C4orf51: variants seen among roughly 807,000 people sequenced by gnomAD.
C4orf51 encodes uncharacterized protein C4orf51.
A neutral mutation model predicts 25.2 loss-of-function variants in C4orf51; 25 were observed. The observed-to-expected ratio is 0.99, with a 90% confidence interval of 0.72 to 1.39. The LOEUF (loss-of-function observed/expected upper bound fraction) is 1.39. Ranked by LOEUF, C4orf51 falls within the 40% of genes most tolerant of loss-of-function variation. The pLI is 0.00. For synonymous variants in C4orf51, 100 were observed against 84.5 expected, an observed-to-expected ratio of 1.18 and a Z score of -1.01; for missense variants, 252 against 239.6, an observed-to-expected ratio of 1.05 and a Z score of -0.34.
chr4:145,731,566 T>TTTTTTTG (rs1732473714), intron 5 of C4orf51, among the ~76,000 whole-genome samples: 1 of 4,430 alleles, frequency 2.3e-4, no homozygotes, highest in Non-Finnish European at 4.4e-4. Flanking sequence ...AGGCAAATCT[T>TTTTTTTG]TTTTTTTTTT....
At chr4:145,735,693 T>C (rs1460757010), downstream of C4orf51, among the ~76,000 whole-genome samples, 1 of 152,212 alleles carries the variant, frequency 6.6e-6, no homozygotes, top group Non-Finnish European at 1.5e-5. Context: ...CAGGGACTTG[T>C]TTTTCCTTAT....
rs191871414 is a variant in C4orf51 at position 145,709,443 on chromosome 4, T to C, written c.307+12811T>C. Among the ~76,000 whole-genome samples, 596 of 152,236 alleles carry C rather than the reference T, an allele frequency of 3.9e-3. 2 individuals carry two copies. The highest frequency in any genetic ancestry group is 5.1e-3 in the Non-Finnish European group (344 of 68,016). ...AAGGGTTGGAAGTCATCCAAGTTGGTAGGGTAAAAACAAGTATAAATCTCA... is the reference window on the plus strand; with the variant it reads ...AAGGGTTGGAAGTCATCCAAGTTGGCAGGGTAAAAACAAGTATAAATCTCA... On this transcript the variant is annotated intron_variant, in intron 2 of 5. Coordinates refer to ENST00000438731, the MANE Select transcript of C4orf51 (RefSeq NM_001080531.3).
chr4:145,742,682 G>T (rs1733167961), intron 1 of C4orf51, among the ~76,000 whole-genome samples: 1 of 151,950 alleles, frequency 6.6e-6, no homozygotes, highest in Non-Finnish European at 1.5e-5. Flanking sequence ...TGAGATTACA[G>T]GCGCCCGCCA....
Position 145,732,596 on chromosome 4 carries a change from G to T in C4orf51, c.*36G>T. The T allele has an allele frequency of 1.3e-6, 2 of 1,482,496 alleles. No homozygotes were observed. The highest frequency in any genetic ancestry group is 1.9e-6 in the Non-Finnish European group (2 of 1,071,982). 91.8% of individuals were successfully genotyped at this position (1,482,496 alleles called of 1,614,324 possible). A position where few individuals can be genotyped will look rare whatever the true frequency, so the allele number is the denominator to read the frequency against. ...GAAGCCACAAGGCTGGAGGCGTGGA[G>T]TTTGCTTAATAAACAACTTTGAGGT... On this transcript the variant is annotated 3_prime_UTR_variant, in exon 6 of 6. Coordinates refer to ENST00000438731, the MANE Select transcript of C4orf51 (RefSeq NM_001080531.3).
intron 2 of C4orf51, among the ~76,000 whole-genome samples, chr4:145,722,585 T>G (rs1731799391): frequency 6.6e-6 from 1 of 152,164 alleles, no homozygotes; most frequent in Non-Finnish European, 1.5e-5. Context: ...TTAACACATC[T>G]CTCTTTAAGA....
chr4:145,696,599 T>G lies in C4orf51; in HGVS notation c.274T>G (p.Trp92Gly), dbSNP rs1730078281. Residue 92 changes from tryptophan to glycine, a missense_variant, in exon 2 of 6, where the codon TGG becomes GGG. Coordinates refer to ENST00000438731, the MANE Select transcript of C4orf51 (RefSeq NM_001080531.3). The stretch of plus-strand genomic sequence containing the variant: ...CAGTTCTGCCTGTCATCTTCTCTGC[T>G]GGGCTGGTACCCAAGAGACTACAGA... ...TNSSACHLLC[W>G]AGTQETTDIK... 2 of 1,613,912 alleles carry G rather than the reference T, an allele frequency of 1.2e-6. No homozygotes were observed. Among genetic ancestry groups the G allele is most frequent in the Admixed American group, 3.3e-5 (2 of 60,010 alleles).
intron 1 of C4orf51, among the ~76,000 whole-genome samples, chr4:145,739,043 TA>T (rs1471468961): frequency 6.6e-6 from 1 of 152,240 alleles, no homozygotes; most frequent in Admixed American, 6.5e-5. Flanking sequence ...TCTTTTTACA[TA>T]ATGAAAGATT....
chr4:145,681,885 G>C (rs552835177), intron 1 of C4orf51, among the ~76,000 whole-genome samples: 2 of 152,218 alleles, frequency 1.3e-5, no homozygotes, highest in African/African-American at 4.8e-5. Flanking sequence ...TATTGCATTG[G>C]GGATTAAATT....
chr4:145,761,653 G>A lies in C4orf51; in HGVS notation n.167-9335G>A, dbSNP rs977661026. 5.5e-6 allele frequency: 6 copies of A among 1,090,910 alleles called. No homozygotes were observed. Among genetic ancestry groups the A allele is most frequent in the Non-Finnish European group, 7.2e-6 (6 of 834,124 alleles). 67.6% of individuals were successfully genotyped at this position (1,090,910 alleles called of 1,614,324 possible). A position where few individuals can be genotyped will look rare whatever the true frequency, so the allele number is the denominator to read the frequency against. On this transcript the variant is annotated intron_variant and non_coding_transcript_variant, in intron 1 of 1. Coordinates refer to the C4orf51 transcript ENST00000510096. This position sits in a 1 kb window ranked among gnomAD's most constrained non-coding sequence, Gnocchi z 6.8. ...CAGCCGGGAAGGTTCGGAGGCAGCC[G>A]CGCTTCTCGCCGCCTCACCAGCCTT... is the stretch of plus-strand genomic sequence containing the variant.
intron 3 of C4orf51, among the ~76,000 whole-genome samples, chr4:145,727,865 A>G (rs1732153814): frequency 7.2e-6 from 1 of 139,788 alleles, no homozygotes; most frequent in South Asian, 2.2e-4. Context: ...CTGGGCAACA[A>G]GAGTGAAACT....
intron 1 of C4orf51, among the ~76,000 whole-genome samples, chr4:145,768,189 G>A (rs190980180): frequency 6.8e-4 from 104 of 152,104 alleles, no homozygotes; most frequent in African/African-American, 2.2e-3. Context: ...TTTGGAGACA[G>A]GGTCTCACTC....
chr4:145,718,871 C>T (rs1435208141), intron 2 of C4orf51, among the ~76,000 whole-genome samples: 1 of 152,182 alleles, frequency 6.6e-6, no homozygotes, highest in Non-Finnish European at 1.5e-5. Flanking sequence ...ACAATTATCC[C>T]AGTTCTGCTG....
At position 145,762,199 on chromosome 4, in the gene C4orf51, G is replaced by A. The variant is rs1734626256; in HGVS notation, n.167-8789G>A. ...TGTCTCTCTGTGTGAGTGTGTGCAT[G>A]TGTACATATCTATGTACTCGTAAAA... On this transcript the variant is annotated intron_variant and non_coding_transcript_variant, in intron 1 of 1. Coordinates refer to the C4orf51 transcript ENST00000510096. The surrounding 1 kb of genome is among the most constrained non-coding windows in gnomAD (Gnocchi z 4.9). Among the ~76,000 whole-genome samples the A allele has an allele frequency of 6.6e-6, 1 of 152,136 alleles. No homozygotes were observed.
chr4:145,721,345 A>AG (rs760375230), intron 2 of C4orf51, among the ~76,000 whole-genome samples: 1 of 34,646 alleles, frequency 2.9e-5, no homozygotes, highest in East Asian at 7.5e-4. Flanking sequence ...ACTCTGTCTC[A>AG]AAAAAAAAAA....
intron 2 of C4orf51, among the ~76,000 whole-genome samples, chr4:145,722,577 A>G (rs1731799010): frequency 6.6e-6 from 1 of 152,216 alleles, no homozygotes; most frequent in Non-Finnish European, 1.5e-5. Context: ...CCCAATGGTT[A>G]ACACATCTCT....
rs577280322 is a variant in C4orf51, at chr4:145,702,127, G to A, written c.307+5495G>A. 5.3e-5 allele frequency among the ~76,000 whole-genome samples: 8 copies of A among 152,094 alleles called. No homozygotes were observed. The East Asian group carries it at 7.7e-4, about 15-fold the overall frequency. On this transcript the variant is annotated intron_variant, in intron 2 of 5. Transcript: ENST00000438731. ...AAAGGATTAAAGCCTGTTATCACTC[G>A]CCTGCTACAGCATAGGCTTCTAAAA... is the stretch of plus-strand genomic sequence containing the variant.
chr4:145,727,164 A>C (rs1432553492), intron 3 of C4orf51, among the ~76,000 whole-genome samples, 195 bp downstream of exon 3: 2 of 152,242 alleles, frequency 1.3e-5, no homozygotes, highest in Non-Finnish European at 2.9e-5. Flanking sequence ...CAAGGTTACG[A>C]ATTGTGAACA....
In C4orf51 at chr4:145,765,451, C is replaced by T; in HGVS notation, n.167-5537C>T. ...GCATACTGCATCCTGGGCCTATTATCAGTTTTTGACATCGCTCCTGTGCAG... is the reference window on the plus strand; with the variant it reads ...GCATACTGCATCCTGGGCCTATTATTAGTTTTTGACATCGCTCCTGTGCAG... On this transcript the variant is annotated intron_variant and non_coding_transcript_variant, in intron 1 of 1. Transcript: ENST00000510096. The surrounding 1 kb of genome is among the most constrained non-coding windows in gnomAD (Gnocchi z 4.7). 7.1e-7 allele frequency: 1 copy of T among 1,405,722 alleles called. No homozygotes were observed. The highest frequency in any genetic ancestry group is 2.3e-5 in the East Asian group (1 of 42,814). 87.1% of individuals were successfully genotyped at this position (1,405,722 alleles called of 1,614,324 possible). A position where few individuals can be genotyped will look rare whatever the true frequency, so the allele number is the denominator to read the frequency against.
chr4:145,761,544 G>A lies in C4orf51; in HGVS notation n.167-9444G>A, dbSNP rs1734497616. 1 of 1,285,892 alleles carries A rather than the reference G, an allele frequency of 7.8e-7. No individual in the cohort carries two copies. The highest frequency in any genetic ancestry group is 1.2e-5 in the South Asian group (1 of 80,800). The allele number at this position is 1,285,892 out of a possible 1,614,324, so 79.7% of individuals were successfully genotyped here. Reference sequence around the variant, plus strand: ...TGTACTCCATCTTGTAGTGGGTCTTGAGGTGGCACTCCATGGCAGCGGGGC... The same window carrying A: ...TGTACTCCATCTTGTAGTGGGTCTTAAGGTGGCACTCCATGGCAGCGGGGC... On this transcript the variant is annotated intron_variant and non_coding_transcript_variant, in intron 1 of 1. Transcript: ENST00000510096. The surrounding 1 kb of genome is among the most constrained non-coding windows in gnomAD (Gnocchi z 6.8).
Sources: gnomAD v4.1 joint callset for allele counts (sites outside exome capture counted in the v4.1 genomes callset) on GRCh38, gnomAD v4.1.1 for gene constraint, Gnocchi (gnomAD v3.1) non-coding constraint, MANE v1.5 for transcripts, NCBI Gene and HGNC (gene_info 2026-07-23, HGNC 2026-07-21) for gene names.